Variants in OGDH observed in about 807,000 individuals in gnomAD.
OGDH encodes 2-oxoglutarate dehydrogenase complex component E1.
In OGDH, 38 loss-of-function variants were observed where a neutral mutation model predicts 116.6. The observed-to-expected ratio is 0.33, with a 90% CI of 0.25 to 0.43. The LOEUF (loss-of-function observed/expected upper bound fraction) is 0.43. Among genes scored for constraint, OGDH ranks in the 20% least tolerant of loss-of-function variants. OGDH has a pLI of 1.00. For missense variants in OGDH, 825 were observed against 1,357.2 expected (o/e 0.61, Z 6.16); for synonymous variants, 488 against 533.3 (o/e 0.92, Z 1.17).
chr7:44,609,982 TTC>T (rs1426237910), intron 1 of OGDH, among the ~76,000 whole-genome samples: 5 of 152,332 alleles, frequency 3.3e-5, no homozygotes, highest in South Asian at 2.1e-4. Context: ...CATCTGTCTA[TTC>T]TCTCTTTTTT....
intron 20 of OGDH, among the ~76,000 whole-genome samples, chr7:44,705,530 A>C (rs529937009): frequency 2.8e-4 from 43 of 151,886 alleles, no homozygotes; most frequent in Non-Finnish European, 5.3e-4. Flanking sequence ...CTTTGAGCTA[A>C]TTTGTTTTGT....
chr7:44,629,059 C>T (rs1282072292), intron 2 of OGDH, among the ~76,000 whole-genome samples: 1 of 152,224 alleles, frequency 6.6e-6, no homozygotes, highest in Non-Finnish European at 1.5e-5. Flanking sequence ...AAACCCTCCT[C>T]ATTAGGGTCT....
chr7:44,667,448 T>A (rs1023774259), intron 5 of OGDH, among the ~76,000 whole-genome samples: 3 of 152,176 alleles, frequency 2.0e-5, no homozygotes, highest in Non-Finnish European at 2.9e-5. Context: ...CGTGCACAGC[T>A]CAGTGTCAGG....
chr7:44,681,989 GT>G, intron 10 of OGDH, 141 bp downstream of exon 10: 1 of 1,133,330 alleles, frequency 8.8e-7, no homozygotes, highest in Non-Finnish European at 1.2e-6. Flanking sequence ...GCTCACGCCT[GT>G]AATCGTAGCA....
intron 2 of OGDH, among the ~76,000 whole-genome samples, chr7:44,635,095 G>T (rs1184142653): frequency 6.6e-6 from 1 of 152,202 alleles, no homozygotes; most frequent in Admixed American, 6.5e-5. Context: ...TTGTGTGCAG[G>T]AAAAGAATGA....
intron 1 of OGDH, among the ~76,000 whole-genome samples, chr7:44,620,459 T>C (rs1474994788): frequency 6.6e-6 from 1 of 152,252 alleles, no homozygotes. Flanking sequence ...TCTAAGTATC[T>C]TATAGTTTTG....
chr7:44,615,364 C>G (rs1470333558), intron 1 of OGDH, among the ~76,000 whole-genome samples: 1 of 152,126 alleles, frequency 6.6e-6, no homozygotes, highest in Non-Finnish European at 1.5e-5. Context: ...GGTGACATCA[C>G]CCTGCCTGGG....
intron 10 of OGDH, among the ~76,000 whole-genome samples, chr7:44,688,778 C>T (rs1177974543): frequency 2.6e-5 from 4 of 151,904 alleles, no homozygotes; most frequent in Non-Finnish European, 4.4e-5. Flanking sequence ...CACCTACTCT[C>T]CTCTCTGTGG....
At chr7:44,649,479 T>C (rs192508436) in intron 4 of OGDH, among the ~76,000 whole-genome samples, 3 of 152,138 alleles carry the variant, frequency 2.0e-5, no homozygotes, top group Admixed American at 2.0e-4. Flanking sequence ...CCCAAAGTGC[T>C]GAGATTACTG....
chr7:44,669,962 A>G (rs113035884), intron 5 of OGDH, among the ~76,000 whole-genome samples: 2 of 152,322 alleles, frequency 1.3e-5, no homozygotes, highest in South Asian at 2.1e-4. Flanking sequence ...GTGGTGGTCA[A>G]TTTGTACCTT....
intron 2 of OGDH, among the ~76,000 whole-genome samples, chr7:44,641,708 G>A (rs533681401): frequency 6.6e-6 from 1 of 152,322 alleles, no homozygotes. Context: ...GGTCATCCCT[G>A]CTTTCACAAT....
intron 2 of OGDH, among the ~76,000 whole-genome samples, chr7:44,644,985 G>C (rs1336821143): frequency 6.6e-6 from 1 of 152,196 alleles, no homozygotes; most frequent in Non-Finnish European, 1.5e-5. Flanking sequence ...CCTACATCCT[G>C]AATCTGTCCC....
intron 2 of OGDH, among the ~76,000 whole-genome samples, chr7:44,630,766 A>C (rs1785404426): frequency 6.6e-6 from 1 of 152,252 alleles, no homozygotes; most frequent in African/African-American, 2.4e-5. Flanking sequence ...TTGTGGCAGC[A>C]GTCCCCAACT....
chr7:44,629,038 G>A (rs1444201228), intron 2 of OGDH, among the ~76,000 whole-genome samples: 2 of 152,178 alleles, frequency 1.3e-5, no homozygotes, highest in Non-Finnish European at 2.9e-5. Flanking sequence ...GGCCTGGGCT[G>A]TCAGCCTATG....
At chr7:44,627,855 T>G (rs1785269335) in intron 2 of OGDH, among the ~76,000 whole-genome samples, 1 of 152,120 alleles carries the variant, frequency 6.6e-6, no homozygotes, top group African/African-American at 2.4e-5. Flanking sequence ...TTTTGTATTT[T>G]TAGTAGAGAC....
At chr7:44,688,266 G>A (rs1414931653) in intron 10 of OGDH, among the ~76,000 whole-genome samples, 1 of 151,704 alleles carries the variant, frequency 6.6e-6, no homozygotes, top group Non-Finnish European at 1.5e-5. Context: ...AGCTACTCTC[G>A]AAGCTGCAGC....
chr7:44,675,142 C>T, intron 7 of OGDH, 36 bp from the exon 8 acceptor site: 1 of 1,565,434 alleles, frequency 6.4e-7, no homozygotes, highest in Non-Finnish European at 8.8e-7. Context: ...ACCATGACCT[C>T]AGGCTCTGCT....
intron 5 of OGDH, 92 bp from the exon 6 acceptor site, chr7:44,673,695 C>T: frequency 7.9e-7 from 1 of 1,259,450 alleles, no homozygotes; most frequent in Non-Finnish European, 1.2e-6. Flanking sequence ...TCCTGCTTAT[C>T]CCCTCCTTCT....
Position 44,698,086 on chromosome 7 carries a change from A to G in OGDH, c.2359-106A>G, listed in dbSNP as rs1788664872. 1.1e-5 allele frequency: 14 copies of G among 1,328,712 alleles called. No homozygotes were observed. The Middle Eastern group carries it at 5.6e-4, about 53-fold the overall frequency. 82.3% of individuals were successfully genotyped at this position (1,328,712 alleles called of 1,614,324 possible). A position where few individuals can be genotyped will look rare whatever the true frequency, so the allele number is the denominator to read the frequency against. On this transcript the variant is annotated intron_variant, in intron 17 of 22. Transcript: ENST00000222673. ...GAAGGAACTGAACCCTGCCATCAAGAAAAAAGATAACCAGAAATGAGCTAG... is the reference window on the plus strand; with the variant it reads ...GAAGGAACTGAACCCTGCCATCAAGGAAAAAGATAACCAGAAATGAGCTAG...
Sources: gnomAD v4.1 joint callset for allele counts (sites outside exome capture counted in the v4.1 genomes callset) on GRCh38, gnomAD v4.1.1 for gene constraint, MANE v1.5 for transcripts, NCBI Gene and HGNC (gene_info 2026-07-23, HGNC 2026-07-21) for gene names.